NEU1: variants seen among roughly 807,000 people sequenced by gnomAD.
NEU1 encodes neuraminidase 1.
Under a neutral mutation model 38.3 loss-of-function variants are expected in NEU1, and 32 were observed. The ratio of observed to expected loss-of-function variants is 0.84; its 90% CI spans 0.63 to 1.12. The LOEUF is 1.12. Among genes scored for constraint, NEU1 ranks in the 50% most tolerant of loss-of-function variants. The pLI is 0.00. For missense variants in NEU1, 431 were observed against 549.2 expected, an observed-to-expected ratio of 0.78 and a Z score of 2.15; for synonymous variants, 192 against 225.2, an observed-to-expected ratio of 0.85 and a Z score of 1.32.
chr6:31,860,735 C>T lies in NEU1; in HGVS notation c.616-114G>A. 8.5e-7 allele frequency: 1 copy of T among 1,171,240 alleles called. No homozygotes were observed. The highest frequency in any genetic ancestry group is 1.3e-6 in the Non-Finnish European group (1 of 791,716). 72.6% of individuals were successfully genotyped at this position (1,171,240 alleles called of 1,614,324 possible). Reference sequence around the variant, plus strand: ...ACATGTATGGTCCCCTTGAGTTCAGCCCTTGCTCACTGAGGGTTCCAGTCA... The same window carrying T: ...ACATGTATGGTCCCCTTGAGTTCAGTCCTTGCTCACTGAGGGTTCCAGTCA... On this transcript the variant is annotated intron_variant, in intron 3 of 5. Coordinates refer to ENST00000375631, the MANE Select transcript of NEU1 (RefSeq NM_000434.4). This position sits in a 1 kb window ranked among gnomAD's most constrained non-coding sequence, Gnocchi z 4.8.
Position 31,859,394 on chromosome 6 carries a change from T to G in NEU1, c.*325A>C. ...CCTTCCCCAGTTCCCTGAGTTCACATTGATTCAATTCTACAGCTCACTAGA... is the reference window on the plus strand; with the variant it reads ...CCTTCCCCAGTTCCCTGAGTTCACAGTGATTCAATTCTACAGCTCACTAGA... On this transcript the variant is annotated 3_prime_UTR_variant, in exon 6 of 6. Transcript: ENST00000375631. 2 of 486,800 alleles carry G rather than the reference T, an allele frequency of 4.1e-6. No individual in the cohort carries two copies. Among genetic ancestry groups the G allele is most frequent in the Non-Finnish European group, 7.5e-6 (2 of 265,196 alleles). The allele number at this position is 486,800 out of a possible 1,614,324, so 30.2% of individuals were successfully genotyped here.
chr6:31,860,571 C>A lies in NEU1; in HGVS notation c.666G>T (p.Thr222=). The change falls in exon 4 of 6, where the codon ACG becomes ACT. Residue 222 remains threonine, a synonymous_variant. Transcript: ENST00000375631. The surrounding 1 kb of genome is among the most constrained non-coding windows in gnomAD (Gnocchi z 4.8). ...GACAGAAGACTCCGTCCCGCTCCAG[C>A]GTCCCATGGCCACACACGATGAGGC... ...KGRLIVCGHG[T]LERDGVFCLL... is the part of the protein sequence containing the mutation. 3 of 1,614,050 alleles carry A rather than the reference C, an allele frequency of 1.9e-6. No individual in the cohort carries two copies. The highest frequency in any genetic ancestry group is 1.1e-5 in the South Asian group (1 of 91,090).
chr6:31,861,526 C>T, intron 2 of NEU1, 76 bp from the exon 3 acceptor site: 1 of 1,599,574 alleles, frequency 6.3e-7, no homozygotes, highest in Non-Finnish European at 8.5e-7. Context: ...GTTAATTTCC[C>T]ACCTTCTGCT....
At position 31,859,732 on chromosome 6, in the gene NEU1, T is replaced by G; in HGVS notation, c.1235A>C (p.Tyr412Ser). 1 of 1,612,780 alleles carries G rather than the reference T, an allele frequency of 6.2e-7. No individual in the cohort carries two copies. Among genetic ancestry groups the G allele is most frequent in the Non-Finnish European group, 8.5e-7 (1 of 1,179,878 alleles). Residue 412 changes from tyrosine to serine, a missense_variant, in exon 6 of 6, where the codon TAT becomes TCT. Physicochemically the swap from Tyr to Ser is moderately radical, Grantham distance 144 (BLOSUM62 -2). Coordinates refer to ENST00000375631, the MANE Select transcript of NEU1 (RefSeq NM_000434.4). The stretch of plus-strand genomic sequence containing the variant: ...CAGTGGCACAGCTCAGAGTGTCCCA[T>G]AGACACTGATTTTGGCCACGGAGAT... ...ESISVAKISV[Y>S]GTL
chr6:31,861,272 A>G lies in NEU1; in HGVS notation c.531T>C (p.Asp177=). Reference sequence around the variant, plus strand: ...TCCGGGGTGTGCTCCAGGAAACACCATCATCCTTGCTCCATACCAACATGG... The same window carrying G: ...TCCGGGGTGTGCTCCAGGAAACACCGTCATCCTTGCTCCATACCAACATGG... ...ASTMLVWSKD[D]GVSWSTPRNL... The change falls in exon 3 of 6, where the codon GAT becomes GAC. Residue 177 remains aspartate (D), a synonymous_variant. Coordinates refer to ENST00000375631, the MANE Select transcript of NEU1 (RefSeq NM_000434.4). 6.2e-7 allele frequency: 1 copy of G among 1,613,048 alleles called. No homozygotes were observed. The highest frequency in any genetic ancestry group is 8.5e-7 in the Non-Finnish European group (1 of 1,180,036).
chr6:31,860,761 G>A lies in NEU1; in HGVS notation c.616-140C>T, dbSNP rs535375937. 1 of 912,714 alleles carries A rather than the reference G, an allele frequency of 1.1e-6. No individual in the cohort carries two copies. The highest frequency in any genetic ancestry group is 1.4e-5 in the South Asian group (1 of 72,880). The allele number at this position is 912,714 out of a possible 1,614,324, so 56.5% of individuals were successfully genotyped here. On this transcript the variant is annotated intron_variant, in intron 3 of 5. Transcript: ENST00000375631. This position sits in a 1 kb window ranked among gnomAD's most constrained non-coding sequence, Gnocchi z 4.8. ...CCTTGCTCACTGAGGGTTCCAGTCA[G>A]ATCCCATAAATACACACCCTGTTTG...
Position 31,860,549 on chromosome 6 carries a change from A to T in NEU1, c.688T>A (p.Cys230Ser). 1 of 1,614,124 alleles carries T rather than the reference A, an allele frequency of 6.2e-7. No homozygotes were observed. The highest frequency in any genetic ancestry group is 8.5e-7 in the Non-Finnish European group (1 of 1,180,028). Reference sequence around the variant, plus strand: ...GCACCATGATCATCGCTGAGGAGACAGAAGACTCCGTCCCGCTCCAGCGTC... The same window carrying T: ...GCACCATGATCATCGCTGAGGAGACTGAAGACTCCGTCCCGCTCCAGCGTC... ...HGTLERDGVF[C>S]LLSDDHGASW... Residue 230 changes from cysteine (C) to serine (S), a missense_variant, in exon 4 of 6, where the codon TGT becomes AGT. Cys to Ser is a moderately radical substitution (Grantham distance 112). Coordinates refer to ENST00000375631, the MANE Select transcript of NEU1 (RefSeq NM_000434.4). This position sits in a 1 kb window ranked among gnomAD's most constrained non-coding sequence, Gnocchi z 4.8.
Position 31,859,328 on chromosome 6 carries a change from C to T in NEU1, c.*391G>A. The T allele has an allele frequency of 2.6e-6, 1 of 382,838 alleles. No homozygotes were observed. The highest frequency in any genetic ancestry group is 8.3e-4 in the Middle Eastern group (1 of 1,204). The allele number at this position is 382,838 out of a possible 1,614,324, so 23.7% of individuals were successfully genotyped here. A position where few individuals can be genotyped will look rare whatever the true frequency, so the allele number is the denominator to read the frequency against. ...CTGCCATCTGGGGACTTTCACCAGC[C>T]CTGTCGGTTATCTTACCGCAACACC... On this transcript the variant is annotated 3_prime_UTR_variant, in exon 6 of 6. Coordinates refer to ENST00000375631, the MANE Select transcript of NEU1 (RefSeq NM_000434.4).
chr6:31,861,675 T>C, intron 2 of NEU1: 1 of 633,028 alleles, frequency 1.6e-6, no homozygotes, highest in African/African-American at 1.8e-5. Flanking sequence ...ATTATGCTTG[T>C]CTGTCTCCTT....
In NEU1 at chr6:31,860,589, G is replaced by C; in HGVS notation, c.648C>G (p.Ile216Met). The C allele has an allele frequency of 6.2e-7, 1 of 1,614,016 alleles. No individual in the cohort carries two copies. Among genetic ancestry groups the C allele is most frequent in the Non-Finnish European group, 8.5e-7 (1 of 1,180,040 alleles). The change falls in exon 4 of 6, where the codon ATC becomes ATG. Residue 216 changes from isoleucine to methionine, a missense_variant. Physicochemically the swap from Ile to Met is conservative, Grantham distance 10. Coordinates refer to ENST00000375631, the MANE Select transcript of NEU1 (RefSeq NM_000434.4). The surrounding 1 kb of genome is among the most constrained non-coding windows in gnomAD (Gnocchi z 4.8). ...GCTCCAGCGTCCCATGGCCACACAC[G>C]ATGAGGCGGCCCTTCCGTGGCTCCC... is the stretch of plus-strand genomic sequence containing the variant. ...KQREPRKGRLIVCGHGTLERD... is the reference protein window; with the variant it reads ...KQREPRKGRLMVCGHGTLERD...
At position 31,859,847 on chromosome 6, in the gene NEU1, C is replaced by T. The variant is rs775795582; in HGVS notation, c.1120G>A (p.Ala374Thr). ...WPGPSGYSSL[A>T]TLEGSMDGEE... ...CCATCCATGCTGCCCTCCAGGGTTG[C>T]CAGGGATGAATAGCCACTGGGGCCT... Residue 374 changes from alanine to threonine, a missense_variant, in exon 6 of 6, where the codon GCA becomes ACA. Transcript: ENST00000375631. 8 of 1,613,036 alleles carry T rather than the reference C, an allele frequency of 5.0e-6. No individual in the cohort carries two copies. The East Asian group carries it at 1.3e-4, about 27-fold the overall frequency.
rs1762411254 is a variant in NEU1, at chr6:31,859,334, G to A, written c.*385C>T. The A allele has an allele frequency of 2.6e-6, 1 of 387,614 alleles. No individual in the cohort carries two copies. Among genetic ancestry groups the A allele is most frequent in the Non-Finnish European group, 4.9e-6 (1 of 205,022 alleles). The allele number at this position is 387,614 out of a possible 1,614,324, so 24.0% of individuals were successfully genotyped here. On this transcript the variant is annotated 3_prime_UTR_variant, in exon 6 of 6. Transcript: ENST00000375631. ...TCTGGGGACTTTCACCAGCCCTGTC[G>A]GTTATCTTACCGCAACACCAAAGAG... is the stretch of plus-strand genomic sequence containing the variant.
At position 31,860,563 on chromosome 6, in the gene NEU1, C is replaced by A. The variant is rs104893980; in HGVS notation, c.674G>T (p.Arg225Leu). 16 of 1,614,056 alleles carry A rather than the reference C, an allele frequency of 9.9e-6. 1 individual carries two copies. The South Asian group carries it at 1.8e-4, about 18-fold the overall frequency. The change falls in exon 4 of 6, where the codon CGG becomes CTG. Residue 225 changes from arginine (R) to leucine (L), a missense_variant. By Grantham distance (102) the Arg-to-Leu change is moderately radical. Coordinates refer to ENST00000375631, the MANE Select transcript of NEU1 (RefSeq NM_000434.4). This position sits in a 1 kb window ranked among gnomAD's most constrained non-coding sequence, Gnocchi z 4.8. The stretch of plus-strand genomic sequence containing the variant: ...GCTGAGGAGACAGAAGACTCCGTCC[C>A]GCTCCAGCGTCCCATGGCCACACAC... ...LIVCGHGTLE[R>L]DGVFCLLSDD...
chr6:31,862,185 G>T lies in NEU1; in HGVS notation c.166C>A (p.Pro56Thr), dbSNP rs780472586. ...KAENDFGLVQ[P>T]LVTMEQLLWV... ...AGCAGTTGCTCCATGGTCACCAGCGGCTGCACCTGTCATGGGAGGAGGAAG... is the reference window on the plus strand; with the variant it reads ...AGCAGTTGCTCCATGGTCACCAGCGTCTGCACCTGTCATGGGAGGAGGAAG... The change falls in exon 2 of 6, where the codon CCG becomes ACG. Residue 56 changes from proline to threonine, a missense_variant. Physicochemically the swap from Pro to Thr is conservative, Grantham distance 38. Transcript: ENST00000375631. The surrounding 1 kb of genome is among the most constrained non-coding windows in gnomAD (Gnocchi z 6.3). 2 of 1,612,692 alleles carry T rather than the reference G, an allele frequency of 1.2e-6. No homozygotes were observed. Among genetic ancestry groups the T allele is most frequent in the Non-Finnish European group, 8.5e-7 (1 of 1,179,956 alleles).
At position 31,862,695 on chromosome 6, in the gene NEU1, C is replaced by T. The variant is rs528924052; in HGVS notation, c.82G>A (p.Val28Ile). Reference protein sequence around the residue: ...RILGFWGGCRVWVFAAIFLLL... With the variant: ...RILGFWGGCRIWVFAAIFLLL... ...AGGAAGATCGCGGCAAACACCCAAA[C>T]CCTACAGCCTCCCCAGAAGCCCAGA... The change falls in exon 1 of 6, where the codon GTT becomes ATT. Residue 28 changes from valine (V) to isoleucine (I), a missense_variant. By Grantham distance (29) the Val-to-Ile change is conservative. Coordinates refer to ENST00000375631, the MANE Select transcript of NEU1 (RefSeq NM_000434.4). This position sits in a 1 kb window ranked among gnomAD's most constrained non-coding sequence, Gnocchi z 6.3. 1.2e-6 allele frequency: 2 copies of T among 1,613,038 alleles called. No homozygotes were observed. The highest frequency in any genetic ancestry group is 4.5e-5 in the East Asian group (2 of 44,884).
In NEU1 at chr6:31,859,324, C is replaced by T; in HGVS notation, c.*395G>A. 1 of 372,324 alleles carries T rather than the reference C, an allele frequency of 2.7e-6. No homozygotes were observed. Among genetic ancestry groups the T allele is most frequent in the Non-Finnish European group, 5.1e-6 (1 of 196,200 alleles). The allele number at this position is 372,324 out of a possible 1,614,324, so 23.1% of individuals were successfully genotyped here. ...TATCCTGCCATCTGGGGACTTTCACCAGCCCTGTCGGTTATCTTACCGCAA... is the reference window on the plus strand; with the variant it reads ...TATCCTGCCATCTGGGGACTTTCACTAGCCCTGTCGGTTATCTTACCGCAA... On this transcript the variant is annotated 3_prime_UTR_variant, in exon 6 of 6. Transcript: ENST00000375631.
rs201379546 is a variant in NEU1, at chr6:31,860,127, C to T, written c.936G>A (p.Glu312=). Residue 312 remains glutamate (E), a synonymous_variant, in exon 5 of 6, where the codon GAG becomes GAA. Transcript: ENST00000375631. The surrounding 1 kb of genome is among the most constrained non-coding windows in gnomAD (Gnocchi z 4.8). ...CTGCAGCTACCACAGGGTCCACGAGCTCAGGGTCGAAGGTCACATCACGGG... is the reference window on the plus strand; with the variant it reads ...CTGCAGCTACCACAGGGTCCACGAGTTCAGGGTCGAAGGTCACATCACGGG... ...LRPRDVTFDP[E]LVDPVVAAGA... is the part of the protein sequence containing the mutation. 86 of 1,612,938 alleles carry T rather than the reference C, an allele frequency of 5.3e-5. No homozygotes were observed. Among genetic ancestry groups the T allele is most frequent in the East Asian group, 2.2e-5 (1 of 44,892 alleles).
In NEU1 at chr6:31,862,789, C is replaced by A; in HGVS notation, c.-13G>T. On this transcript the variant is annotated 5_prime_UTR_variant, in exon 1 of 6. Coordinates refer to ENST00000375631, the MANE Select transcript of NEU1 (RefSeq NM_000434.4). This position sits in a 1 kb window ranked among gnomAD's most constrained non-coding sequence, Gnocchi z 6.3. ...GCTCCCCAGTCATCTCTCCCCGCAG[C>A]TGCCGCGACCCTGGCAGCTAGACTC... 6.2e-7 allele frequency: 1 copy of A among 1,612,578 alleles called. No individual in the cohort carries two copies. The highest frequency in any genetic ancestry group is 1.3e-5 in the African/African-American group (1 of 75,068).
intron 2 of NEU1, 44 bp downstream of exon 2, chr6:31,861,955 C>T: frequency 6.2e-7 from 1 of 1,607,014 alleles, no homozygotes; most frequent in Non-Finnish European, 8.5e-7. Context: ...GGCTGCCCAC[C>T]CATCCAACCT....
Sources: gnomAD v4.1 joint callset for allele counts on GRCh38, gnomAD v4.1.1 for gene constraint, Gnocchi (gnomAD v3.1) non-coding constraint, MANE v1.5 for transcripts, NCBI Gene and HGNC (gene_info 2026-07-23, HGNC 2026-07-21) for gene names.